Variants in NNT observed in about 807,000 individuals in gnomAD.
NNT encodes the protein NAD(P) transhydrogenase, mitochondrial.
A neutral mutation model predicts 104.8 loss-of-function variants in NNT; 50 were observed. That is an observed-to-expected ratio of 0.48 (90% confidence interval 0.38 to 0.60). NNT has a LOEUF of 0.60. Ranked by LOEUF, NNT falls within the 20% of genes least tolerant of loss-of-function variation. The pLI is 0.00. For missense variants in NNT, 1,131 were observed against 1,330.7 expected (o/e 0.85, Z 2.33); for synonymous variants, 461 against 490.4 (o/e 0.94, Z 0.79).
intron 11 of NNT, 81 bp from the exon 12 acceptor site, chr5:43,650,396 T>C (rs773284475): frequency 2.0e-4 from 194 of 968,858 alleles, no homozygotes; most frequent in Non-Finnish European, 3.1e-4. Flanking sequence ...TATGAATCTA[T>C]GTATGTGAGG....
In NNT at chr5:43,677,820, G is replaced by A; in HGVS notation, c.2876+14G>A. 1.3e-6 allele frequency: 2 copies of A among 1,599,478 alleles called. No homozygotes were observed. The highest frequency in any genetic ancestry group is 1.7e-6 in the Non-Finnish European group (2 of 1,166,848). ...CAAAAAAGTCAGGTAAGCGTTTGCA[G>A]TGGAGAGGCTTGCACTATGTGTAAA... On this transcript the variant is annotated intron_variant, in intron 19 of 21. Transcript: ENST00000344920.
chr5:43,615,781 T>C, intron 3 of NNT, 67 bp from the exon 4 acceptor site: 7 of 1,190,972 alleles, frequency 5.9e-6, no homozygotes, highest in Non-Finnish European at 8.3e-6. Context: ...ATCTAAGTTT[T>C]CCTGTTTGCT....
chr5:43,630,064 G>A (rs527887830), intron 7 of NNT, among the ~76,000 whole-genome samples: 3 of 152,130 alleles, frequency 2.0e-5, no homozygotes, highest in Non-Finnish European at 4.4e-5. Context: ...GTGTCTAGAA[G>A]AGTTTTTCTG....
At chr5:43,602,702 CCT>C (rs911358937), upstream of NNT, 2 of 152,248 alleles carry the variant, frequency 1.3e-5, no homozygotes, top group African/African-American at 4.8e-5. Context: ...TCCCTTGGGT[CCT>C]CTCTGTTACA....
At chr5:43,694,737 T>TG (rs1742467846) in intron 19 of NNT, among the ~76,000 whole-genome samples, 1 of 143,986 alleles carries the variant, frequency 6.9e-6, no homozygotes, top group East Asian at 2.0e-4. Context: ...TGGCCTAAAG[T>TG]TTGTGTGTGT....
chr5:43,658,310 T>C (rs563806306), intron 16 of NNT, among the ~76,000 whole-genome samples: 210 of 152,286 alleles, frequency 1.4e-3, no homozygotes, highest in African/African-American at 4.9e-3. Context: ...AATACATGAA[T>C]ATGCTCTCAT....
At chr5:43,614,106 A>C (rs1749650047) in intron 3 of NNT, among the ~76,000 whole-genome samples, 1 of 152,246 alleles carries the variant, frequency 6.6e-6, no homozygotes, top group Non-Finnish European at 1.5e-5. Flanking sequence ...AATTACTTAG[A>C]GAAAAAAGAA....
In NNT at chr5:43,704,583, AT is replaced by A; in HGVS notation, c.*183del. 1.9e-6 allele frequency: 1 copy of A among 517,052 alleles called. No individual in the cohort carries two copies. Among genetic ancestry groups the A allele is most frequent in the South Asian group, 3.2e-5 (1 of 31,138 alleles). The allele number at this position is 517,052 out of a possible 1,614,324, so 32.0% of individuals were successfully genotyped here. A position where few individuals can be genotyped will look rare whatever the true frequency, so the allele number is the denominator to read the frequency against. On this transcript the variant is annotated 3_prime_UTR_variant, in exon 22 of 22. Transcript: ENST00000344920. Reference sequence around the variant, plus strand: ...ATTTTTCAAAAGCAGTAATCCCTCAATTTTAAAAAAGGATTGAAAATTCTAA... The same window carrying A: ...ATTTTTCAAAAGCAGTAATCCCTCAATTTAAAAAAGGATTGAAAATTCTAA...
intron 17 of NNT, chr5:43,666,958 T>C: frequency 6.3e-7 from 1 of 1,591,232 alleles, no homozygotes; most frequent in Non-Finnish European, 8.5e-7. Context: ...TGGATCGAGC[T>C]TGCGGCTGAC....
At chr5:43,676,596 G>A (rs1295599689) in intron 18 of NNT, among the ~76,000 whole-genome samples, 1 of 152,128 alleles carries the variant, frequency 6.6e-6, no homozygotes, top group Non-Finnish European at 1.5e-5. Flanking sequence ...TGTAACGTGT[G>A]GGACACTGCT....
intron 7 of NNT, among the ~76,000 whole-genome samples, chr5:43,636,483 T>A (rs1037825311): frequency 1.3e-5 from 2 of 152,194 alleles, no homozygotes; most frequent in African/African-American, 2.4e-5. Flanking sequence ...GTTTTCCCAG[T>A]TAACCTCATT....
intron 19 of NNT, among the ~76,000 whole-genome samples, chr5:43,688,363 G>A (rs529796229): frequency 2.6e-5 from 4 of 152,132 alleles, no homozygotes; most frequent in Non-Finnish European, 5.9e-5. Context: ...GCAGAAGCTG[G>A]AAAAGGCATG....
intron 17 of NNT, among the ~76,000 whole-genome samples, chr5:43,670,025 C>G (rs1049916913): frequency 5.3e-5 from 8 of 152,040 alleles, no homozygotes; most frequent in South Asian, 2.1e-4. Context: ...TGTATGTGTC[C>G]AGGAATTTAT....
intron 17 of NNT, 83 bp downstream of exon 17, chr5:43,659,433 A>G (rs1478349961): frequency 1.7e-6 from 2 of 1,187,188 alleles, no homozygotes; most frequent in East Asian, 5.3e-5. Context: ...TATTACCCAT[A>G]AAAATGAATA....
chr5:43,700,839 T>C (rs1580138195), intron 20 of NNT, among the ~76,000 whole-genome samples: 1 of 152,340 alleles, frequency 6.6e-6, no homozygotes, highest in East Asian at 1.9e-4. Context: ...AAATATCCAC[T>C]GTAAACTTAA....
chr5:43,692,775 G>C (rs1035642621), intron 19 of NNT, among the ~76,000 whole-genome samples: 1 of 152,162 alleles, frequency 6.6e-6, no homozygotes, highest in Non-Finnish European at 1.5e-5. Context: ...TTATGAATCT[G>C]TTATCAGTAT....
chr5:43,648,044 C>T (rs1580035747), intron 10 of NNT: 2 of 1,197,670 alleles, frequency 1.7e-6, no homozygotes, highest in East Asian at 1.1e-4. Flanking sequence ...ACCAGACTGA[C>T]TTAAGAAAAC....
intron 6 of NNT, among the ~76,000 whole-genome samples, chr5:43,627,774 G>A (rs1231449924): frequency 1.3e-5 from 2 of 152,108 alleles, no homozygotes; most frequent in Non-Finnish European, 2.9e-5. Context: ...CATATAAAGA[G>A]TTATTTTTGT....
chr5:43,675,298 T>G (rs1417965973), intron 17 of NNT, among the ~76,000 whole-genome samples: 1 of 152,210 alleles, frequency 6.6e-6, no homozygotes, highest in Non-Finnish European at 1.5e-5. Flanking sequence ...ATTGATTTGA[T>G]AGGGAAAAAG....
Sources: allele counts gnomAD v4.1 joint callset (sites outside exome capture counted in the v4.1 genomes callset), GRCh38; gene constraint gnomAD v4.1.1; transcripts MANE v1.5; gene names NCBI Gene and HGNC (gene_info 2026-07-23, HGNC 2026-07-21).